The following PLD1 variants were observed in gnomAD, a reference collection of about 807,000 sequenced individuals.
The protein encoded by PLD1 is choline phosphatase 1.
PLD1 carries 112 observed loss-of-function variants against 137.1 expected under a neutral mutation model. The observed-to-expected ratio is 0.82, with a 90% CI of 0.70 to 0.96. The LOEUF (loss-of-function observed/expected upper bound fraction) is 0.96, where lower values mean the gene tolerates loss of function less well. Ranked by LOEUF, PLD1 falls within the 40% of genes least tolerant of loss-of-function variation. PLD1 has a pLI of 0.00. For missense variants in PLD1, 1,321 were observed against 1,342.0 expected, an observed-to-expected ratio of 0.98 and a Z score of 0.24; for synonymous variants, 431 against 454.7, an observed-to-expected ratio of 0.95 and a Z score of 0.66.
At chr3:171,712,530 A>T (rs2108573375) in intron 9 of PLD1, among the ~76,000 whole-genome samples, 1 of 152,252 alleles carries the variant, frequency 6.6e-6, no homozygotes, top group African/African-American at 2.4e-5. Flanking sequence ...GCAAGAAAAA[A>T]ATGCTGCCTT....
rs918444255 is a variant in PLD1 at position 171,601,769 on chromosome 3, G to A, written c.*1309C>T. On this transcript the variant is annotated 3_prime_UTR_variant, in exon 27 of 27. Transcript: ENST00000351298. Reference sequence around the variant, plus strand: ...ATTACACCTGCATTTTGTTTTACAGGTACAGGCCTTTTGGTAACCCACATT... The same window carrying A: ...ATTACACCTGCATTTTGTTTTACAGATACAGGCCTTTTGGTAACCCACATT... The A allele has an allele frequency of 6.6e-6, 1 of 152,102 alleles. No homozygotes were observed. Among genetic ancestry groups the A allele is most frequent in the South Asian group, 2.1e-4 (1 of 4,830 alleles). The allele number at this position is 152,102 out of a possible 1,614,324, so 9.4% of individuals were successfully genotyped here.
At chr3:171,706,035 A>C (rs910535613) in intron 11 of PLD1, among the ~76,000 whole-genome samples, 2 of 152,172 alleles carry the variant, frequency 1.3e-5, no homozygotes, top group African/African-American at 4.8e-5. Context: ...CCATTTTTGA[A>C]AGTCAGTGGC....
At chr3:171,692,486 G>C in intron 12 of PLD1, 44 bp from the exon 13 acceptor site, 1 of 903,388 alleles carries the variant, frequency 1.1e-6, no homozygotes, top group Non-Finnish European at 1.9e-6. Flanking sequence ...ATCTCTGGAG[G>C]GAAGTTACAA....
chr3:171,701,050 G>A (rs1435457051), intron 11 of PLD1, among the ~76,000 whole-genome samples: 1 of 152,174 alleles, frequency 6.6e-6, no homozygotes, highest in Non-Finnish European at 1.5e-5. Flanking sequence ...AGCCCTCTAA[G>A]CATGTGAAAT....
intron 18 of PLD1, among the ~76,000 whole-genome samples, chr3:171,674,905 G>A (rs1213308779): frequency 6.7e-6 from 1 of 148,536 alleles, no homozygotes; most frequent in African/African-American, 2.5e-5. Context: ...CTTGAACCTC[G>A]GAGGCAGAGG....
Position 171,602,990 on chromosome 3 carries a change from C to T in PLD1, c.*88G>A. 1 of 943,178 alleles carries T rather than the reference C, an allele frequency of 1.1e-6. No homozygotes were observed. The highest frequency in any genetic ancestry group is 1.7e-6 in the Non-Finnish European group (1 of 595,688). 58.4% of individuals were successfully genotyped at this position (943,178 alleles called of 1,614,324 possible). On this transcript the variant is annotated 3_prime_UTR_variant, in exon 27 of 27. Coordinates refer to ENST00000351298, the MANE Select transcript of PLD1 (RefSeq NM_002662.5). ...GGGTTGGATACGAGAATGCGTCAGG[C>T]CTGGCTTTGGCTATGACATCCCCAG...
intron 19 of PLD1, among the ~76,000 whole-genome samples, chr3:171,673,240 C>T (rs1265559686): frequency 2.1e-5 from 3 of 141,380 alleles, no homozygotes; most frequent in South Asian, 4.2e-4. Context: ...TTCTTTTTAG[C>T]CTGGGATGAC....
chr3:171,690,910 ACTGAGAG>A (rs2108517770), intron 13 of PLD1, among the ~76,000 whole-genome samples: 1 of 152,308 alleles, frequency 6.6e-6, no homozygotes, highest in African/African-American at 2.4e-5. Flanking sequence ...TCTAACCATT[ACTGAGAG>A]TGAGATGTTG....
intron 21 of PLD1, among the ~76,000 whole-genome samples, chr3:171,647,206 C>A (rs926288720): frequency 6.6e-6 from 1 of 152,048 alleles, no homozygotes; most frequent in Non-Finnish European, 1.5e-5. Flanking sequence ...GCTATGCACT[C>A]GGTATTATTT....
intron 21 of PLD1, among the ~76,000 whole-genome samples, chr3:171,650,971 T>C (rs1391663756): frequency 6.6e-6 from 1 of 152,096 alleles, no homozygotes; most frequent in East Asian, 1.9e-4. Context: ...AAAAGCAGAG[T>C]ACGAATGTAC....
chr3:171,659,155 A>T, intron 21 of PLD1, 58 bp downstream of exon 21: 5 of 1,186,234 alleles, frequency 4.2e-6, no homozygotes, highest in Non-Finnish European at 6.3e-6. Flanking sequence ...TTGCAAAGTC[A>T]TTTTAGTAAT....
At chr3:171,645,155 C>T (rs1736100268) in intron 21 of PLD1, 132 bp from the exon 22 acceptor site, 1 of 666,332 alleles carries the variant, frequency 1.5e-6, no homozygotes, top group African/African-American at 1.8e-5. Context: ...TGTCACATTT[C>T]AGGACTTGGG....
intron 18 of PLD1, among the ~76,000 whole-genome samples, chr3:171,675,999 T>C (rs771346604): frequency 2.0e-5 from 3 of 152,142 alleles, no homozygotes; most frequent in South Asian, 2.1e-4. Flanking sequence ...CCCACCACCA[T>C]GCCCAGCTAA....
At chr3:171,789,732 A>G (rs2108349649) in intron 1 of PLD1, 1 of 152,362 alleles carries the variant, frequency 6.6e-6, no homozygotes, top group East Asian at 1.9e-4. Context: ...GCAGAAAACA[A>G]AACAAAACAA....
At chr3:171,677,808 C>T in intron 16 of PLD1, 114 bp from the exon 17 acceptor site, 3 of 1,020,234 alleles carry the variant, frequency 2.9e-6, no homozygotes, top group South Asian at 3.3e-5. Flanking sequence ...TAAGACACAA[C>T]TAGGGTGGCA....
chr3:171,712,201 G>A (rs1424732406), intron 9 of PLD1, among the ~76,000 whole-genome samples: 1 of 152,232 alleles, frequency 6.6e-6, no homozygotes, highest in Admixed American at 6.5e-5. Context: ...AAGACAGGGA[G>A]AGGCTGCTGC....
chr3:171,758,880 A>G (rs1721210026), intron 1 of PLD1, among the ~76,000 whole-genome samples: 1 of 152,156 alleles, frequency 6.6e-6, no homozygotes, highest in Non-Finnish European at 1.5e-5. Context: ...CTATCATTCT[A>G]CTTCTCTCTG....
At position 171,659,207 on chromosome 3, in the gene PLD1, T is replaced by C. The variant is rs1277389531; in HGVS notation, c.2429+6A>G. ...GCAGCGAGAACTCTCAGCCAAAGGC[T>C]GTTACCTGTGAGCTTTCAGGATCCT... is the stretch of plus-strand genomic sequence containing the variant. On this transcript the variant is annotated splice_donor_region_variant and intron_variant, in intron 21 of 26. Transcript: ENST00000351298. 3 of 1,594,076 alleles carry C rather than the reference T, an allele frequency of 1.9e-6. No homozygotes were observed. In the African/African-American group the frequency reaches 4.0e-5, roughly 21 times the overall value.
chr3:171,747,999 T>C (rs966888809), intron 1 of PLD1, among the ~76,000 whole-genome samples: 6 of 152,182 alleles, frequency 3.9e-5, no homozygotes, highest in African/African-American at 7.2e-5. Flanking sequence ...AATAGATAGA[T>C]TAAAATTTTA....
Sources: gnomAD v4.1 joint callset for allele counts (sites outside exome capture counted in the v4.1 genomes callset) on GRCh38, gnomAD v4.1.1 for gene constraint, MANE v1.5 for transcripts, NCBI Gene and HGNC (gene_info 2026-07-23, HGNC 2026-07-21) for gene names.